LSAMP: variants seen among roughly 807,000 people sequenced by gnomAD.
LSAMP encodes limbic system-associated membrane protein.
Under a neutral mutation model 38.6 loss-of-function variants are expected in LSAMP, and 7 were observed. That is an observed-to-expected ratio of 0.18 (90% CI 0.10 to 0.34). The LOEUF (loss-of-function observed/expected upper bound fraction) is 0.34, where lower values mean the gene tolerates loss of function less well. LSAMP is among the 10% of genes least tolerant of loss of function. The pLI, the probability that LSAMP is intolerant of heterozygous loss-of-function variation, is 1.00. For synonymous variants in LSAMP, 154 were observed against 166.8 expected, an observed-to-expected ratio of 0.92 and a Z score of 0.59; for missense variants, 313 against 420.0, an observed-to-expected ratio of 0.75 and a Z score of 2.23.
intron 1 of LSAMP, among the ~76,000 whole-genome samples, chr3:116,403,788 T>C (rs2107829571): frequency 6.6e-6 from 1 of 152,204 alleles, no homozygotes; most frequent in Non-Finnish European, 1.5e-5. Context: ...TCACATTCTG[T>C]TGCCCAGGTT....
chr3:116,085,378 T>G (rs1707966525), intron 2 of LSAMP, among the ~76,000 whole-genome samples: 1 of 152,168 alleles, frequency 6.6e-6, no homozygotes, highest in Admixed American at 6.5e-5. Context: ...CATAACACAT[T>G]AATAGAAGCT....
intron 2 of LSAMP, among the ~76,000 whole-genome samples, chr3:116,055,671 C>T (rs975772838): frequency 2.6e-5 from 4 of 152,160 alleles, no homozygotes; most frequent in African/African-American, 9.7e-5. Context: ...CTGGCTCACC[C>T]TGGGACCTAT....
At position 115,807,729 on chromosome 3, in the gene LSAMP, G is replaced by A. The variant is rs1248844293; in HGVS notation, c.*2588C>T. ...TGTGACTGCCTCTTCAATTTTTGGG[G>A]AATGCTTATTATTAAAGATGATACC... is the stretch of plus-strand genomic sequence containing the variant. On this transcript the variant is annotated 3_prime_UTR_variant, in exon 7 of 7. Coordinates refer to ENST00000490035, the MANE Select transcript of LSAMP (RefSeq NM_002338.5). The A allele has an allele frequency of 6.6e-6, 1 of 152,088 alleles. No homozygotes were observed. Among genetic ancestry groups the A allele is most frequent in the African/African-American group, 2.4e-5 (1 of 41,418 alleles). The allele number at this position is 152,088 out of a possible 1,614,324, so 9.4% of individuals were successfully genotyped here. A position where few individuals can be genotyped will look rare whatever the true frequency, so the allele number is the denominator to read the frequency against.
At chr3:116,238,892 C>T (rs1014985958) in intron 1 of LSAMP, among the ~76,000 whole-genome samples, 3 of 151,710 alleles carry the variant, frequency 2.0e-5, no homozygotes, top group Non-Finnish European at 4.4e-5. Flanking sequence ...CTCCTCTGCA[C>T]TCTGAGAAGA....
At chr3:116,373,582 G>T (rs1034542160) in intron 1 of LSAMP, among the ~76,000 whole-genome samples, 2 of 151,690 alleles carry the variant, frequency 1.3e-5, no homozygotes, top group African/African-American at 4.8e-5. Flanking sequence ...AGTAAATTTT[G>T]TTATATGCAT....
At chr3:116,196,532 C>T (rs1186157184) in intron 1 of LSAMP, among the ~76,000 whole-genome samples, 3 of 152,066 alleles carry the variant, frequency 2.0e-5, no homozygotes, top group African/African-American at 7.2e-5. Context: ...GATATACTAT[C>T]TAAGCTATAA....
chr3:116,292,881 G>A (rs1212782316), intron 1 of LSAMP, among the ~76,000 whole-genome samples: 1 of 152,196 alleles, frequency 6.6e-6, no homozygotes, highest in East Asian at 1.9e-4. Flanking sequence ...ATATGAATGT[G>A]CAATAAACCA....
chr3:116,259,562 A>G (rs929118490), intron 1 of LSAMP, among the ~76,000 whole-genome samples: 1 of 152,122 alleles, frequency 6.6e-6, no homozygotes, highest in African/African-American at 2.4e-5. Flanking sequence ...TTGCTAGATT[A>G]CTTCTCTGTC....
intron 1 of LSAMP, among the ~76,000 whole-genome samples, chr3:116,390,434 A>G (rs1694248557): frequency 6.6e-6 from 1 of 152,114 alleles, no homozygotes; most frequent in Non-Finnish European, 1.5e-5. Context: ...CAATCAAAAG[A>G]CAGAGGTTAG....
At position 115,879,346 on chromosome 3, in the gene LSAMP, C is replaced by T. The variant is rs138591129; in HGVS notation, c.515-26729G>A. On this transcript the variant is annotated intron_variant, in intron 3 of 6. Transcript: ENST00000490035. Reference sequence around the variant, plus strand: ...AATATCATAAATACACAAATAAAACCCAAAGATAAAGTTTAAACTTTATAC... The same window carrying T: ...AATATCATAAATACACAAATAAAACTCAAAGATAAAGTTTAAACTTTATAC... Among the ~76,000 whole-genome samples, 418 of 152,004 alleles carry T rather than the reference C, an allele frequency of 2.7e-3. 4 individuals carry two copies. Among genetic ancestry groups the T allele is most frequent in the African/African-American group, 9.6e-3 (397 of 41,470 alleles).
chr3:116,403,339 T>C (rs980975383), intron 1 of LSAMP, among the ~76,000 whole-genome samples: 1 of 152,140 alleles, frequency 6.6e-6, no homozygotes, highest in Non-Finnish European at 1.5e-5. Flanking sequence ...AAACAAGGTA[T>C]TTCTATTTCC....
intron 1 of LSAMP, among the ~76,000 whole-genome samples, chr3:116,197,163 A>ACACACACACACACACACACACTCTCT (rs1268040540): frequency 8.6e-5 from 12 of 139,088 alleles, no homozygotes; most frequent in African/African-American, 2.8e-4. Context: ...ACACACACAC[A>ACACACACACACACACACACACTCTCT]CTCTCTCTCT....
intron 6 of LSAMP, chr3:115,834,426 A>T: frequency 1.5e-6 from 1 of 652,228 alleles, no homozygotes; most frequent in Non-Finnish European, 2.4e-6. Context: ...TTTTTAAAAA[A>T]GGTTTAAGGG....
intron 3 of LSAMP, among the ~76,000 whole-genome samples, chr3:115,950,928 C>A (rs1338759289): frequency 1.3e-5 from 2 of 150,040 alleles, no homozygotes; most frequent in African/African-American, 5.0e-5. Context: ...ACCAAGGGAA[C>A]AAAATGGAAA....
chr3:115,936,238 G>C (rs1410570558), intron 3 of LSAMP, among the ~76,000 whole-genome samples: 1 of 152,174 alleles, frequency 6.6e-6, no homozygotes, highest in East Asian at 1.9e-4. Flanking sequence ...TAAGGGACTA[G>C]ATTTCATGTG....
chr3:115,941,593 A>T (rs1274494921), intron 3 of LSAMP, among the ~76,000 whole-genome samples: 1 of 152,130 alleles, frequency 6.6e-6, no homozygotes, highest in East Asian at 1.9e-4. Flanking sequence ...AGATACACAC[A>T]CACAATAGAA....
intron 1 of LSAMP, among the ~76,000 whole-genome samples, chr3:116,422,029 T>C (rs1254992358): frequency 6.6e-6 from 1 of 152,214 alleles, no homozygotes. Flanking sequence ...GCAATCCACG[T>C]GTCCATTAAC....
At chr3:115,982,931 CTTTTTTTTT>C (rs11386123) in intron 3 of LSAMP, among the ~76,000 whole-genome samples, 1 of 136,278 alleles carries the variant, frequency 7.3e-6, no homozygotes, top group Non-Finnish European at 1.6e-5. Context: ...CCTATGGAGA[CTTTTTTTTT>C]TTTTTTTTTA....
intron 1 of LSAMP, among the ~76,000 whole-genome samples, chr3:116,144,434 G>T (rs1456529759): frequency 6.6e-6 from 1 of 151,820 alleles, no homozygotes; most frequent in Non-Finnish European, 1.5e-5. Context: ...GAGGTGATAT[G>T]ATCATCTGAG....
Sources: allele counts gnomAD v4.1 joint callset (sites outside exome capture counted in the v4.1 genomes callset), GRCh38; gene constraint gnomAD v4.1.1; transcripts MANE v1.5; gene names NCBI Gene and HGNC (gene_info 2026-07-23, HGNC 2026-07-21).